Variants in MYO10 observed in about 807,000 individuals in gnomAD.
MYO10 encodes unconventional myosin-X.
Under a neutral mutation model 257.3 loss-of-function variants are expected in MYO10, and 133 were observed. The observed-to-expected ratio is 0.52, with a 90% CI of 0.45 to 0.60. The LOEUF (loss-of-function observed/expected upper bound fraction) is 0.60. Among genes scored for constraint, MYO10 ranks in the 20% least tolerant of loss-of-function variants. The probability of loss-of-function intolerance (pLI) is 0.00; values close to 1 mark genes in which losing one functional copy is unlikely to be tolerated. For missense variants in MYO10, 2,399 were observed against 2,635.7 expected (o/e 0.91, Z 1.97); for synonymous variants, 1,104 against 1,028.6 (o/e 1.07, Z -1.40).
rs112046929 is a variant in MYO10, at chr5:16,779,847, A to C, written c.827-199T>G. ...GAAACTAAATGAGATTATTTAAAAA[A>C]TGTTACTGAAAGAACAACTGATGAG... is the stretch of plus-strand genomic sequence containing the variant. On this transcript the variant is annotated intron_variant, in intron 8 of 40. Transcript: ENST00000513610. 6.1e-3 allele frequency among the ~76,000 whole-genome samples: 936 copies of C among 152,360 alleles called. 11 individuals are homozygous for C. The highest frequency in any genetic ancestry group is 0.021 in the African/African-American group (893 of 41,580).
intron 1 of MYO10, among the ~76,000 whole-genome samples, chr5:16,930,472 A>G (rs780030347): frequency 6.6e-6 from 1 of 152,264 alleles, no homozygotes; most frequent in Non-Finnish European, 1.5e-5. Context: ...AAAATCTGCC[A>G]GAAATGTACA....
At chr5:16,721,134 A>C (rs1233600552) in intron 19 of MYO10, among the ~76,000 whole-genome samples, 1 of 152,136 alleles carries the variant, frequency 6.6e-6, no homozygotes, top group Non-Finnish European at 1.5e-5. Context: ...GAATTACCCA[A>C]AGACAATTAC....
chr5:16,726,896 C>T (rs529214466), intron 19 of MYO10, among the ~76,000 whole-genome samples: 2 of 152,202 alleles, frequency 1.3e-5, no homozygotes, highest in African/African-American at 2.4e-5. Flanking sequence ...AACACAGCCA[C>T]ACATTGTCTG....
intron 3 of MYO10, among the ~76,000 whole-genome samples, 170 bp from the exon 4 acceptor site, chr5:16,795,003 T>C (rs79417437): frequency 1.3e-5 from 2 of 152,150 alleles, no homozygotes; most frequent in Non-Finnish European, 2.9e-5. Flanking sequence ...GACAAATGAA[T>C]GAAGCCATTT....
intron 19 of MYO10, among the ~76,000 whole-genome samples, chr5:16,718,936 C>T (rs1038956737): frequency 1.3e-5 from 2 of 152,166 alleles, no homozygotes; most frequent in African/African-American, 4.8e-5. Flanking sequence ...AGCGCCCTGA[C>T]AAAACAGGCC....
intron 19 of MYO10, among the ~76,000 whole-genome samples, chr5:16,754,068 T>A (rs1454204380): frequency 1.3e-5 from 2 of 152,130 alleles, no homozygotes; most frequent in African/African-American, 4.8e-5. Context: ...TACATAAAAA[T>A]TACATTACAA....
intron 2 of MYO10, among the ~76,000 whole-genome samples, chr5:16,865,755 GA>G (rs1226288842): frequency 1.3e-5 from 2 of 151,562 alleles, no homozygotes; most frequent in Non-Finnish European, 2.9e-5. Flanking sequence ...AGGTTGCAGT[GA>G]GCCAAGATCG....
chr5:16,670,989 A>T lies in MYO10; in HGVS notation c.5431-11T>A. The T allele has an allele frequency of 6.3e-7, 1 of 1,598,302 alleles. No homozygotes were observed. The highest frequency in any genetic ancestry group is 8.6e-7 in the Non-Finnish European group (1 of 1,169,578). On this transcript the variant is annotated splice_polypyrimidine_tract_variant and intron_variant, in intron 38 of 40. Transcript: ENST00000513610. Reference sequence around the variant, plus strand: ...AACCGCTTCGTGGGCCTGAAAGGAGACAGTCAACAGCTTTCCGGTCAACGC... The same window carrying T: ...AACCGCTTCGTGGGCCTGAAAGGAGTCAGTCAACAGCTTTCCGGTCAACGC...
intron 1 of MYO10, among the ~76,000 whole-genome samples, chr5:16,924,594 A>G (rs150086765): frequency 2.0e-5 from 3 of 152,338 alleles, no homozygotes; most frequent in Middle Eastern, 3.4e-3. Context: ...AAAAGCGTTC[A>G]TGCGCTGTTT....
chr5:16,816,337 CAA>C (rs369557076), intron 3 of MYO10, among the ~76,000 whole-genome samples: 120 of 106,284 alleles, frequency 1.1e-3, no homozygotes, highest in East Asian at 0.01. Context: ...GACTCTGTCT[CAA>C]AAAAAAAAAA....
intron 14 of MYO10, among the ~76,000 whole-genome samples, chr5:16,763,197 T>C (rs2126651329): frequency 6.6e-6 from 1 of 152,256 alleles, no homozygotes; most frequent in South Asian, 2.1e-4. Context: ...GGCAAATCTA[T>C]ATTGGTACTG....
At chr5:16,694,342 T>C in intron 27 of MYO10, 29 bp downstream of exon 27, 1 of 1,613,170 alleles carries the variant, frequency 6.2e-7, no homozygotes, top group Non-Finnish European at 8.5e-7. Context: ...GAGCAACCCA[T>C]CGGGCCACAG....
chr5:16,859,790 C>T (rs998769734), intron 2 of MYO10, among the ~76,000 whole-genome samples: 1 of 152,102 alleles, frequency 6.6e-6, no homozygotes, highest in Non-Finnish European at 1.5e-5. Context: ...ACATTCAGAC[C>T]ATGGCAAGGC....
At chr5:16,761,900 G>T in intron 16 of MYO10, 145 bp downstream of exon 16, 2 of 797,640 alleles carry the variant, frequency 2.5e-6, no homozygotes, top group Non-Finnish European at 3.8e-6. Flanking sequence ...TGATCCTCCT[G>T]CCTCAGCCTC....
In MYO10 at chr5:16,758,216, T is replaced by C; in HGVS notation, c.1750A>G (p.Ile584Val). 1 of 1,609,056 alleles carries C rather than the reference T, an allele frequency of 6.2e-7. No homozygotes were observed. The highest frequency in any genetic ancestry group is 8.5e-7 in the Non-Finnish European group (1 of 1,175,472). ...GAAACATGTTCAAAAAGATCGTAGA[T>C]AAAGTCAAATCTGTGTGAGGCAAGA... is the stretch of plus-strand genomic sequence containing the variant. ...NLLRESRFDFIYDLFEHVSSR... is the reference protein window; with the variant it reads ...NLLRESRFDFVYDLFEHVSSR... The change falls in exon 18 of 41, where the codon ATC becomes GTC. Residue 584 changes from isoleucine (I) to valine (V), a missense_variant. Coordinates refer to ENST00000513610, the MANE Select transcript of MYO10 (RefSeq NM_012334.3).
intron 2 of MYO10, among the ~76,000 whole-genome samples, chr5:16,851,856 G>T (rs971300338): frequency 1.1e-4 from 16 of 151,902 alleles, no homozygotes; most frequent in Admixed American, 3.3e-4. Flanking sequence ...TTAGAGACCA[G>T]CCTGGCCAAC....
At chr5:16,815,137 TG>T in intron 3 of MYO10, 1 of 262,618 alleles carries the variant, frequency 3.8e-6, no homozygotes, top group Non-Finnish European at 7.1e-6. Context: ...GAGTCTAGCC[TG>T]GGCAACATAG....
At chr5:16,781,326 C>A (rs557438111) in intron 6 of MYO10, among the ~76,000 whole-genome samples, 1 of 152,058 alleles carries the variant, frequency 6.6e-6, no homozygotes, top group Non-Finnish European at 1.5e-5. Flanking sequence ...GTGATCTGAC[C>A]ACCTTGGCCT....
At chr5:16,815,171 A>AC (rs397776453) in intron 3 of MYO10, 4 of 391,654 alleles carry the variant, frequency 1.0e-5, no homozygotes, top group African/African-American at 2.1e-5. Context: ...ACAAAAAAAA[A>AC]CAAACTTGTG....
Sources: gnomAD v4.1 joint callset for allele counts (sites outside exome capture counted in the v4.1 genomes callset) on GRCh38, gnomAD v4.1.1 for gene constraint, MANE v1.5 for transcripts, NCBI Gene and HGNC (gene_info 2026-07-23, HGNC 2026-07-21) for gene names.